The following CCDC62 variants were observed in gnomAD, a reference collection of about 807,000 sequenced individuals.
CCDC62 encodes the protein coiled-coil domain-containing protein 62.
A neutral mutation model predicts 80.8 loss-of-function variants in CCDC62; 72 were observed. That is an observed-to-expected ratio of 0.89 (90% CI 0.74 to 1.08). The LOEUF (loss-of-function observed/expected upper bound fraction) is 1.08, where lower values mean the gene tolerates loss of function less well. Among genes scored for constraint, CCDC62 ranks in the 50% least tolerant of loss-of-function variants. The pLI is 0.00. For missense variants in CCDC62, 704 were observed against 809.4 expected, an observed-to-expected ratio of 0.87 and a Z score of 1.58; for synonymous variants, 286 against 296.5, an observed-to-expected ratio of 0.96 and a Z score of 0.36.
chr12:122,784,897 G>T (rs1277995626), intron 3 of CCDC62, among the ~76,000 whole-genome samples: 2 of 152,016 alleles, frequency 1.3e-5, no homozygotes, highest in East Asian at 1.9e-4. Flanking sequence ...CCAGCACTTT[G>T]GGAGGTCAAG....
intron 12 of CCDC62, among the ~76,000 whole-genome samples, chr12:122,823,843 A>G (rs566929846): frequency 3.3e-5 from 5 of 152,086 alleles, no homozygotes; most frequent in Admixed American, 3.3e-4. Flanking sequence ...AAAATTAGCC[A>G]GGCGCGGTAG....
intron 3 of CCDC62, among the ~76,000 whole-genome samples, chr12:122,783,443 G>T (rs1232600128): frequency 6.6e-6 from 1 of 151,844 alleles, no homozygotes; most frequent in Admixed American, 6.6e-5. Context: ...AGCCAGGATG[G>T]TTTCGATCTC....
Position 122,777,509 on chromosome 12 carries a change from GA to G in CCDC62, c.56del (p.Glu19GlyfsTer19). The G allele has an allele frequency of 6.2e-7, 1 of 1,612,336 alleles. No homozygotes were observed. Among genetic ancestry groups the G allele is most frequent in the Admixed American group, 1.7e-5 (1 of 59,814 alleles). The stretch of plus-strand genomic sequence containing the variant: ...TGTTTAGAACATCGGGTCAGAAGTT[GA>G]GATTTCCACTATCGAGAAACAACGG... ...AGRQNIGSEVEISTIEKQRKE... is the reference protein window; with the variant it reads ...AGRQNIGSEVXISTIEKQRKE... On this transcript the variant is annotated frameshift_variant, in exon 2 of 13. Coordinates refer to ENST00000253079, the MANE Select transcript of CCDC62 (RefSeq NM_201435.5). LOFTEE classifies it high-confidence loss of function.
intron 3 of CCDC62, among the ~76,000 whole-genome samples, chr12:122,781,798 G>T (rs1454028809): frequency 2.6e-5 from 4 of 152,004 alleles, no homozygotes; most frequent in Admixed American, 2.6e-4. Flanking sequence ...CTTTGTTTGG[G>T]AGGCTGAGGT....
In CCDC62 at chr12:122,781,300, G is replaced by T; in HGVS notation, c.366G>T (p.Thr122=). The change falls in exon 3 of 13, where the codon ACG becomes ACT. Residue 122 remains threonine (T), a synonymous_variant. Transcript: ENST00000253079. ...TTCAGGAAATGGCTCAAAAGGCAAC[G>T]CATTCTTCTCTTCTCTCTGAAGACC... ...LQLQEMAQKA[T]HSSLLSEDLE... 6.2e-7 allele frequency: 1 copy of T among 1,613,978 alleles called. No individual in the cohort carries two copies. The highest frequency in any genetic ancestry group is 1.1e-5 in the South Asian group (1 of 91,078).
At chr12:122,812,777 G>GAGAGAGAGAGAA (rs750420995) in intron 10 of CCDC62, among the ~76,000 whole-genome samples, 23 of 57,784 alleles carry the variant, frequency 4.0e-4, no homozygotes, top group African/African-American at 1.7e-3. Context: ...GAGAGAGAGA[G>GAGAGAGAGAGAA]AGAAAGAAAG....
intron 10 of CCDC62, among the ~76,000 whole-genome samples, chr12:122,813,035 C>CAA (rs35070882): frequency 0.84 from 126,067 of 150,008 alleles, 54,126 homozygotes; most frequent in East Asian, 0.99. Context: ...CCACCTCTAC[C>CAA]AAAAAAAAAA....
intron 9 of CCDC62, 30 bp from the exon 10 acceptor site, chr12:122,806,121 T>A (rs757283196): frequency 1.9e-6 from 3 of 1,593,642 alleles, no homozygotes; most frequent in Non-Finnish European, 2.6e-6. Context: ...TTTTAAGATA[T>A]TTGTTTTTGT....
chr12:122,820,581 C>T (rs558075381), intron 11 of CCDC62, among the ~76,000 whole-genome samples: 40 of 152,254 alleles, frequency 2.6e-4, no homozygotes, highest in African/African-American at 8.9e-4. Context: ...CGGTGGTTCA[C>T]GCCTGTAATC....
At chr12:122,780,582 C>T (rs1431116324) in intron 2 of CCDC62, among the ~76,000 whole-genome samples, 1 of 150,372 alleles carries the variant, frequency 6.7e-6, no homozygotes. Context: ...CCACTGCACT[C>T]CAGCCTGGAC....
chr12:122,792,520 T>A (rs963002277), intron 6 of CCDC62, among the ~76,000 whole-genome samples: 1 of 150,848 alleles, frequency 6.6e-6, no homozygotes, highest in African/African-American at 2.4e-5. Flanking sequence ...CCGGCTTTTT[T>A]ATTTTTATTT....
chr12:122,789,388 G>A lies in CCDC62; in HGVS notation c.670+459G>A, dbSNP rs550620108. Among the ~76,000 whole-genome samples, 8 of 152,238 alleles carry A rather than the reference G, an allele frequency of 5.3e-5. No individual in the cohort carries two copies. In the South Asian group the frequency reaches 1.7e-3, roughly 32 times the overall value. On this transcript the variant is annotated intron_variant, in intron 5 of 12. Coordinates refer to ENST00000253079, the MANE Select transcript of CCDC62 (RefSeq NM_201435.5). ...GGCTAGCCTGGGCATTTCTTCCCAT[G>A]GTGAGGGCAGAAACTTCTGATTCTG... is the stretch of plus-strand genomic sequence containing the variant.
chr12:122,815,682 T>G (rs1045067504), intron 11 of CCDC62, among the ~76,000 whole-genome samples: 5 of 148,206 alleles, frequency 3.4e-5, no homozygotes, highest in Non-Finnish European at 1.5e-5. Flanking sequence ...CTCCTGACCT[T>G]GTGATCCGCC....
In CCDC62 at chr12:122,801,838, T is replaced by A. The variant is rs746171063; in HGVS notation, c.1692T>A (p.His564Gln). 16 of 1,613,736 alleles carry A rather than the reference T, an allele frequency of 9.9e-6. No homozygotes were observed. In the East Asian group the frequency reaches 3.6e-4, roughly 36 times the overall value. ...CAGAAAGCATCTGTGGCACACAACA[T>A]GACTCCCCGGCAAGGTGAGTAACGT... ...TCSESICGTQ[H>Q]DSPASELIAI... Residue 564 changes from histidine to glutamine, a missense_variant, in exon 9 of 13, where the codon CAT (histidine) becomes CAA (glutamine). Physicochemically the swap from His to Gln is conservative, Grantham distance 24. Coordinates refer to ENST00000253079, the MANE Select transcript of CCDC62 (RefSeq NM_201435.5).
At chr12:122,808,961 G>A (rs2031743581) in intron 10 of CCDC62, among the ~76,000 whole-genome samples, 1 of 152,166 alleles carries the variant, frequency 6.6e-6, no homozygotes, top group South Asian at 2.1e-4. Context: ...TAATAGGTAT[G>A]AAGAGGTATC....
intron 11 of CCDC62, among the ~76,000 whole-genome samples, chr12:122,820,046 A>G (rs1484039532): frequency 7.4e-6 from 1 of 135,080 alleles, no homozygotes; most frequent in East Asian, 2.3e-4. Flanking sequence ...TGAGCGATAC[A>G]GCAAGATCCT....
chr12:122,813,233 A>G, intron 10 of CCDC62, 37 bp from the exon 11 acceptor site: 1 of 1,562,090 alleles, frequency 6.4e-7, no homozygotes. Flanking sequence ...GTGTTTGTAA[A>G]CCTAAGCATT....
chr12:122,775,510 A>G (rs193213710), intron 1 of CCDC62, among the ~76,000 whole-genome samples: 23 of 152,342 alleles, frequency 1.5e-4, no homozygotes, highest in African/African-American at 5.3e-4. Context: ...TGCATGAATG[A>G]AGGGCTAACC....
At chr12:122,820,746 C>T (rs2032372270) in intron 11 of CCDC62, among the ~76,000 whole-genome samples, 2 of 150,826 alleles carry the variant, frequency 1.3e-5, no homozygotes, top group African/African-American at 2.4e-5. Context: ...GAGGCTGAGG[C>T]ACTAGAATCG....
Sources: gnomAD v4.1 joint callset for allele counts (sites outside exome capture counted in the v4.1 genomes callset) on GRCh38, gnomAD v4.1.1 for gene constraint, MANE v1.5 for transcripts, NCBI Gene and HGNC (gene_info 2026-07-23, HGNC 2026-07-21) for gene names.